ADAMTSL1: variants seen among roughly 807,000 people sequenced by gnomAD.
The protein encoded by ADAMTSL1 is ADAMTS-like protein 1.
In ADAMTSL1, 126 loss-of-function variants were observed where a neutral mutation model predicts 201.8. That is an observed-to-expected ratio of 0.62 (90% confidence interval 0.54 to 0.72). ADAMTSL1 has a LOEUF of 0.72. Ranked by LOEUF, ADAMTSL1 falls within the 30% of genes least tolerant of loss-of-function variation. The probability of loss-of-function intolerance (pLI) is 0.00; values close to 1 mark genes in which losing one functional copy is unlikely to be tolerated. For missense variants in ADAMTSL1, 2,679 were observed against 2,277.8 expected, an observed-to-expected ratio of 1.18 and a Z score of -3.59; for synonymous variants, 1,121 against 903.4, an observed-to-expected ratio of 1.24 and a Z score of -4.32.
intron 19 of ADAMTSL1, among the ~76,000 whole-genome samples, chr9:18,793,758 C>A (rs1029893071): frequency 2.0e-5 from 3 of 151,864 alleles, no homozygotes; most frequent in Non-Finnish European, 4.4e-5. Flanking sequence ...GTCTAGGCAC[C>A]GGATCTCTGA....
chr9:18,489,755 T>C (rs1822177404), intron 1 of ADAMTSL1, among the ~76,000 whole-genome samples: 1 of 152,208 alleles, frequency 6.6e-6, no homozygotes, highest in Non-Finnish European at 1.5e-5. Context: ...CTCAGATAGC[T>C]AAATTTAATT....
intron 4 of ADAMTSL1, among the ~76,000 whole-genome samples, chr9:18,595,232 G>A (rs1824187976): frequency 6.6e-6 from 1 of 152,152 alleles, no homozygotes; most frequent in Admixed American, 6.5e-5. Flanking sequence ...GCCCAGGTAG[G>A]ATGGGTCCCT....
At chr9:18,311,131 A>T (rs1433844219) in intron 2 of ADAMTSL1, among the ~76,000 whole-genome samples, 1 of 151,834 alleles carries the variant, frequency 6.6e-6, no homozygotes, top group East Asian at 1.9e-4. Context: ...GCATCTTCTC[A>T]CTCATAAGTG....
chr9:18,397,898 C>G (rs1470582784), intron 2 of ADAMTSL1, among the ~76,000 whole-genome samples: 1 of 152,122 alleles, frequency 6.6e-6, no homozygotes. Flanking sequence ...CTGGATTCAA[C>G]TTGATGTTTT....
chr9:18,083,435 TA>T (rs1823603600), intron 1 of ADAMTSL1, among the ~76,000 whole-genome samples: 1 of 152,206 alleles, frequency 6.6e-6, no homozygotes, highest in South Asian at 2.1e-4. Context: ...CTTTTTTGGA[TA>T]AAAATGCCCA....
chr9:18,732,115 A>T (rs1025766513), intron 15 of ADAMTSL1, among the ~76,000 whole-genome samples: 4 of 152,232 alleles, frequency 2.6e-5, no homozygotes, highest in African/African-American at 4.8e-5. Flanking sequence ...CCTACCTCAT[A>T]GAGCAGGCAC....
chr9:18,774,147 C>T (rs1820847835), intron 17 of ADAMTSL1, among the ~76,000 whole-genome samples: 1 of 152,168 alleles, frequency 6.6e-6, no homozygotes. Flanking sequence ...CTGGAGATGA[C>T]AGCCTCCTTC....
chr9:18,895,881 T>C (rs1228864542), intron 26 of ADAMTSL1, among the ~76,000 whole-genome samples: 5 of 152,144 alleles, frequency 3.3e-5, no homozygotes, highest in Non-Finnish European at 5.9e-5. Flanking sequence ...AAAATAAACA[T>C]AGGCATTGAA....
chr9:18,851,191 G>A (rs952101893), intron 23 of ADAMTSL1, among the ~76,000 whole-genome samples: 1 of 151,966 alleles, frequency 6.6e-6, no homozygotes, highest in African/African-American at 2.4e-5. Context: ...GCTCTCGATG[G>A]GAGCAGAGAT....
upstream of ADAMTSL1, among the ~76,000 whole-genome samples, chr9:18,470,301 T>C (rs944583806): frequency 8.5e-5 from 13 of 152,254 alleles, no homozygotes; most frequent in Non-Finnish European, 1.5e-4. Flanking sequence ...AATGCTCTAA[T>C]GGCTTTGGTG....
At chr9:18,130,766 T>G (rs1564017058) in intron 1 of ADAMTSL1, among the ~76,000 whole-genome samples, 2 of 152,258 alleles carry the variant, frequency 1.3e-5, no homozygotes, top group East Asian at 1.9e-4. Flanking sequence ...GACTGTTGCC[T>G]CCTCCAACTC....
chr9:18,719,817 A>G (rs1369702100), intron 14 of ADAMTSL1, among the ~76,000 whole-genome samples: 1 of 152,180 alleles, frequency 6.6e-6, no homozygotes, highest in East Asian at 1.9e-4. Flanking sequence ...CTGATGATTG[A>G]GCTGATGACT....
chr9:18,570,481 G>C (rs957349294), intron 3 of ADAMTSL1, among the ~76,000 whole-genome samples: 1 of 152,166 alleles, frequency 6.6e-6, no homozygotes, highest in Non-Finnish European at 1.5e-5. Context: ...TTCAAACAAA[G>C]AATGTTTGCC....
intron 1 of ADAMTSL1, among the ~76,000 whole-genome samples, chr9:18,124,581 T>G (rs906891807): frequency 6.6e-6 from 1 of 152,162 alleles, no homozygotes; most frequent in Admixed American, 6.6e-5. Context: ...AAGTTTTGAA[T>G]TTTGATGAAG....
intron 1 of ADAMTSL1, among the ~76,000 whole-genome samples, chr9:18,096,264 C>A (rs368182706): frequency 2.0e-5 from 3 of 152,300 alleles, no homozygotes; most frequent in East Asian, 3.9e-4. Context: ...ATTCAGTGAA[C>A]TATAATGACA....
chr9:18,258,151 AT>A (rs1474897099), intron 2 of ADAMTSL1, among the ~76,000 whole-genome samples: 1 of 152,264 alleles, frequency 6.6e-6, no homozygotes, highest in African/African-American at 2.4e-5. Flanking sequence ...AAGTAATAAA[AT>A]AAAAACCAGG....
chr9:18,743,783 T>A (rs1227574722), intron 15 of ADAMTSL1, among the ~76,000 whole-genome samples: 1 of 152,252 alleles, frequency 6.6e-6, no homozygotes, highest in East Asian at 1.9e-4. Flanking sequence ...CTCTTTAATG[T>A]CTAATATCTC....
At chr9:18,131,505 G>C (rs1825953218) in intron 1 of ADAMTSL1, among the ~76,000 whole-genome samples, 1 of 152,114 alleles carries the variant, frequency 6.6e-6, no homozygotes, top group Non-Finnish European at 1.5e-5. Context: ...GATAATGCAA[G>C]GGTTAATAGA....
chr9:18,633,432 A>C (rs879543874), intron 5 of ADAMTSL1, among the ~76,000 whole-genome samples: 1 of 152,118 alleles, frequency 6.6e-6, no homozygotes, highest in Non-Finnish European at 1.5e-5. Flanking sequence ...TCTACTAAAA[A>C]TACAAAAATT....
Sources: gnomAD v4.1 joint callset for allele counts (sites outside exome capture counted in the v4.1 genomes callset) on GRCh38, gnomAD v4.1.1 for gene constraint, MANE v1.5 for transcripts, NCBI Gene and HGNC (gene_info 2026-07-23, HGNC 2026-07-21) for gene names.